FRAS1: variants seen among roughly 807,000 people sequenced by gnomAD.
The protein encoded by FRAS1 is extracellular matrix organizing protein FRAS1.
Under a neutral mutation model 435.2 loss-of-function variants are expected in FRAS1, and 290 were observed. That is an observed-to-expected ratio of 0.67 (90% CI 0.61 to 0.73). The LOEUF (loss-of-function observed/expected upper bound fraction) is 0.73, where lower values mean the gene tolerates loss of function less well. FRAS1 is among the 30% of genes least tolerant of loss of function. The pLI, the probability that FRAS1 is intolerant of heterozygous loss-of-function variation, is 0.00. For missense variants in FRAS1, 4,860 were observed against 5,001.5 expected (o/e 0.97, Z 0.85); for synonymous variants, 1,800 against 1,851.0 (o/e 0.97, Z 0.71).
At chr4:78,499,018 T>G (rs1720596259) in intron 60 of FRAS1, among the ~76,000 whole-genome samples, 2 of 152,104 alleles carry the variant, frequency 1.3e-5, no homozygotes, top group African/African-American at 4.8e-5. Flanking sequence ...TGGCTATTTT[T>G]TAATTATTTG....
Position 78,121,252 on chromosome 4 carries a change from C to G in FRAS1, c.108+55236C>G, listed in dbSNP as rs147746962. ...AAGAGGTCTGATTAAGATTCCTGCT[C>G]AATAGCATAGGCTAAAGTAAAACAA... is the stretch of plus-strand genomic sequence containing the variant. On this transcript the variant is annotated intron_variant, in intron 2 of 73. Transcript: ENST00000512123. Among the ~76,000 whole-genome samples, 323 of 152,288 alleles carry G rather than the reference C, an allele frequency of 2.1e-3. 1 individual carries two copies. The Middle Eastern group carries it at 0.027, about 13-fold the overall frequency.
At chr4:78,089,914 C>T (rs1257116645) in intron 2 of FRAS1, among the ~76,000 whole-genome samples, 1 of 152,170 alleles carries the variant, frequency 6.6e-6, no homozygotes, top group Non-Finnish European at 1.5e-5. Flanking sequence ...TCCTCCTACC[C>T]TCCATCCTTA....
intron 30 of FRAS1, among the ~76,000 whole-genome samples, chr4:78,401,986 A>G (rs1732912895): frequency 6.6e-6 from 1 of 152,018 alleles, no homozygotes; most frequent in Non-Finnish European, 1.5e-5. Flanking sequence ...GGAATATGGG[A>G]GGAAATAATC....
chr4:78,111,571 GA>G (rs1408630662), intron 2 of FRAS1, among the ~76,000 whole-genome samples: 1 of 93,450 alleles, frequency 1.1e-5, no homozygotes, highest in African/African-American at 4.3e-5. Context: ...ATGGACACAG[GA>G]AGGGGAATAT....
chr4:78,119,233 T>C (rs1201287445), intron 2 of FRAS1, among the ~76,000 whole-genome samples: 3 of 152,132 alleles, frequency 2.0e-5, no homozygotes, highest in Non-Finnish European at 4.4e-5. Context: ...AATTATATAT[T>C]ATTGCTAACT....
intron 27 of FRAS1, among the ~76,000 whole-genome samples, chr4:78,382,645 A>C (rs1443290804): frequency 6.6e-6 from 1 of 152,196 alleles, no homozygotes; most frequent in East Asian, 1.9e-4. Context: ...TTTAAAAAGC[A>C]ATCACGTTTA....
At chr4:78,113,425 C>G (rs1742882676) in intron 2 of FRAS1, among the ~76,000 whole-genome samples, 2 of 152,236 alleles carry the variant, frequency 1.3e-5, no homozygotes, top group South Asian at 2.1e-4. Context: ...AATGGTTGAA[C>G]TAGTTTACAG....
At chr4:78,270,340 A>G (rs1726597268) in intron 9 of FRAS1, among the ~76,000 whole-genome samples, 1 of 152,146 alleles carries the variant, frequency 6.6e-6, no homozygotes, top group Non-Finnish European at 1.5e-5. Context: ...AATCATACCT[A>G]CATCCACCAG....
chr4:78,398,662 G>A (rs780542353), intron 29 of FRAS1, among the ~76,000 whole-genome samples: 16 of 152,190 alleles, frequency 1.1e-4, no homozygotes, highest in Non-Finnish European at 1.6e-4. Flanking sequence ...AGTTCAGTAG[G>A]CTGCTGCTAT....
At chr4:78,126,752 T>C (rs1053815418) in intron 2 of FRAS1, among the ~76,000 whole-genome samples, 3 of 152,210 alleles carry the variant, frequency 2.0e-5, no homozygotes, top group Admixed American at 2.0e-4. Flanking sequence ...TGTCTAATCA[T>C]AGATCATGTA....
chr4:78,496,013 C>T (rs55870843), intron 59 of FRAS1, among the ~76,000 whole-genome samples: 1,525 of 152,286 alleles, frequency 0.01, 32 homozygotes, highest in South Asian at 0.045. Flanking sequence ...AGTGAAACTT[C>T]TCTCTACTCA....
At chr4:78,085,204 A>G (rs1306435750) in intron 2 of FRAS1, among the ~76,000 whole-genome samples, 2 of 152,088 alleles carry the variant, frequency 1.3e-5, no homozygotes, top group African/African-American at 4.8e-5. Context: ...CTGTTGTCAG[A>G]CTTTTGGATT....
intron 12 of FRAS1, among the ~76,000 whole-genome samples, chr4:78,283,800 A>G (rs1727443405): frequency 1.3e-5 from 2 of 152,220 alleles, no homozygotes; most frequent in South Asian, 4.1e-4. Context: ...ACAAACATTT[A>G]GCATATTATT....
chr4:78,537,007 A>T lies in FRAS1; in HGVS notation c.11105A>T (p.Tyr3702Phe). Residue 3702 changes from tyrosine to phenylalanine, a missense_variant, in exon 72 of 74, where the codon TAT becomes TTT. Coordinates refer to ENST00000512123, the MANE Select transcript of FRAS1 (RefSeq NM_025074.7). ...KGAFSKGQIL[Y>F]GRVLWNPEQN... ...TCAATCTTTTCAGGTCAAATCCTTT[A>T]TGGCCGAGTACTTTGGAATCCAGAA... The T allele has an allele frequency of 6.2e-7, 1 of 1,613,818 alleles. No individual in the cohort carries two copies.
chr4:78,464,836 A>G (rs193295805), intron 49 of FRAS1, among the ~76,000 whole-genome samples: 1 of 152,364 alleles, frequency 6.6e-6, no homozygotes, highest in Admixed American at 6.5e-5. Flanking sequence ...TACATGTAAC[A>G]ATACTTTTAA....
chr4:78,479,351 G>GT (rs1297912939), intron 55 of FRAS1, 23 bp from the exon 56 acceptor site: 2 of 1,441,396 alleles, frequency 1.4e-6, no homozygotes, highest in South Asian at 1.7e-5. Context: ...AAATGCTTTG[G>GT]TTTTTTGCCA....
At chr4:78,415,156 G>C (rs1410800028) in intron 32 of FRAS1, among the ~76,000 whole-genome samples, 2 of 152,106 alleles carry the variant, frequency 1.3e-5, no homozygotes, top group Admixed American at 1.3e-4. Context: ...CATCCTCATA[G>C]CTTAGCTCCC....
chr4:78,145,911 T>C (rs1720401134), intron 2 of FRAS1, among the ~76,000 whole-genome samples: 1 of 152,190 alleles, frequency 6.6e-6, no homozygotes, highest in African/African-American at 2.4e-5. Flanking sequence ...GCTTTTCCCC[T>C]GCTGGTGCTC....
At chr4:78,192,254 T>A (rs7671816) in intron 2 of FRAS1, among the ~76,000 whole-genome samples, 104,893 of 151,974 alleles carry the variant, frequency 0.69, 36,488 homozygotes, top group African/African-American at 0.74. Context: ...TTTTTGGTTG[T>A]GTCTCTGCCA....
Sources: gnomAD v4.1 joint callset for allele counts (sites outside exome capture counted in the v4.1 genomes callset) on GRCh38, gnomAD v4.1.1 for gene constraint, MANE v1.5 for transcripts, NCBI Gene and HGNC (gene_info 2026-07-23, HGNC 2026-07-21) for gene names.